Variants in SLCO1B1 observed in about 807,000 individuals in gnomAD.
SLCO1B1 encodes solute carrier organic anion transporter family member 1B1.
SLCO1B1 carries 81 observed loss-of-function variants against 70.1 expected under a neutral mutation model. The ratio of observed to expected loss-of-function variants is 1.16; its 90% CI spans 0.97 to 1.39. SLCO1B1 has a LOEUF of 1.39. SLCO1B1 is among the 40% of genes most tolerant of loss of function. The pLI, the probability that SLCO1B1 is intolerant of heterozygous loss-of-function variation, is 0.00. For missense variants in SLCO1B1, 895 were observed against 799.6 expected, an observed-to-expected ratio of 1.12 and a Z score of -1.44; for synonymous variants, 283 against 271.5, an observed-to-expected ratio of 1.04 and a Z score of -0.42.
intron 11 of SLCO1B1, among the ~76,000 whole-genome samples, chr12:21,214,837 C>A (rs1251281023): frequency 6.6e-6 from 1 of 152,106 alleles, no homozygotes; most frequent in Non-Finnish European, 1.5e-5. Context: ...CAGGTGCTGT[C>A]CGTCACCCCT....
chr12:21,222,437 C>CAT (rs1263274519), intron 13 of SLCO1B1, 73 bp downstream of exon 13: 25 of 182,296 alleles, frequency 1.4e-4, no homozygotes, highest in African/African-American at 8.6e-4. Flanking sequence ...TACACACACA[C>CAT]ATACATATAT....
chr12:21,197,066 C>T lies in SLCO1B1; in HGVS notation c.848C>T (p.Pro283Leu). ...CCATTCTTTTTCTTGCCCCAAACTC[C>T]AAATAAACCACAAAAAGAAAGAAAA... is the stretch of plus-strand genomic sequence containing the variant. Reference protein sequence around the residue: ...SIPFFFLPQTPNKPQKERKAS... With the variant: ...SIPFFFLPQTLNKPQKERKAS... The change falls in exon 8 of 15, where the codon CCA (proline) becomes CTA (leucine). Residue 283 changes from proline to leucine, a missense_variant. Pro to Leu is a moderately conservative substitution (Grantham distance 98, BLOSUM62 -3). Coordinates refer to ENST00000256958, the MANE Select transcript of SLCO1B1 (RefSeq NM_006446.5). The T allele has an allele frequency of 6.2e-7, 1 of 1,613,496 alleles. No individual in the cohort carries two copies. The highest frequency in any genetic ancestry group is 8.5e-7 in the Non-Finnish European group (1 of 1,179,704).
chr12:21,212,370 G>A (rs1262152402), intron 11 of SLCO1B1, among the ~76,000 whole-genome samples: 7 of 106,366 alleles, frequency 6.6e-5, no homozygotes, highest in African/African-American at 2.3e-4. Flanking sequence ...GTAGTTGAGC[G>A]GTTTTGAGTG....
chr12:21,198,253 T>C (rs960019195), intron 8 of SLCO1B1, among the ~76,000 whole-genome samples: 6 of 152,096 alleles, frequency 3.9e-5, no homozygotes, highest in Non-Finnish European at 7.4e-5. Context: ...CATTGGTAGG[T>C]TGAAATTGTT....
intron 2 of SLCO1B1, among the ~76,000 whole-genome samples, chr12:21,165,551 A>C (rs1207603759): frequency 6.6e-6 from 1 of 152,190 alleles, no homozygotes; most frequent in Non-Finnish European, 1.5e-5. Flanking sequence ...AAAAATTTAC[A>C]AGAAGTTGTT....
chr12:21,202,590 G>T lies in SLCO1B1; in HGVS notation c.1235G>T (p.Cys412Phe), dbSNP rs765402404. 1.2e-6 allele frequency: 2 copies of T among 1,612,398 alleles called. No homozygotes were observed. The highest frequency in any genetic ancestry group is 4.5e-5 in the East Asian group (2 of 44,752). Residue 412 changes from cysteine (C) to phenylalanine (F), a missense_variant, in exon 10 of 15, where the codon TGT (cysteine) becomes TTT (phenylalanine). Coordinates refer to ENST00000256958, the MANE Select transcript of SLCO1B1 (RefSeq NM_006446.5). ...ACCGTTGGAATTGCCAAATTCTCATGTTTTACTGCTGTGATGTCATTGTCC... is the reference window on the plus strand; with the variant it reads ...ACCGTTGGAATTGCCAAATTCTCATTTTTTACTGCTGTGATGTCATTGTCC... The part of the protein sequence containing the change: ...LNTVGIAKFS[C>F]FTAVMSLSFY...
intron 4 of SLCO1B1, among the ~76,000 whole-genome samples, chr12:21,175,260 A>G (rs1318632589): frequency 6.6e-6 from 1 of 152,176 alleles, no homozygotes; most frequent in Non-Finnish European, 1.5e-5. Flanking sequence ...TCTTGGCTTC[A>G]TGATCCAAAT....
At chr12:21,140,542 C>G (rs1451277185) in intron 1 of SLCO1B1, among the ~76,000 whole-genome samples, 1 of 151,796 alleles carries the variant, frequency 6.6e-6, no homozygotes, top group Non-Finnish European at 1.5e-5. Flanking sequence ...CCACATAAAA[C>G]CAAAATGGCA....
intron 2 of SLCO1B1, among the ~76,000 whole-genome samples, chr12:21,159,148 T>C (rs1412535482): frequency 6.6e-6 from 1 of 152,134 alleles, no homozygotes; most frequent in African/African-American, 2.4e-5. Flanking sequence ...TTCTATAAAG[T>C]GTTATTGCAT....
intron 14 of SLCO1B1, among the ~76,000 whole-genome samples, chr12:21,226,949 A>C (rs1941488900): frequency 6.6e-6 from 1 of 152,146 alleles, no homozygotes; most frequent in Non-Finnish European, 1.5e-5. Context: ...AATATATAAA[A>C]AGATGCTCAA....
At chr12:21,164,428 A>C (rs1038909068) in intron 2 of SLCO1B1, among the ~76,000 whole-genome samples, 2 of 151,822 alleles carry the variant, frequency 1.3e-5, no homozygotes, top group African/African-American at 4.8e-5. Flanking sequence ...CTCCTCTTAA[A>C]CTTCTCCTTG....
chr12:21,195,130 C>CAT, intron 7 of SLCO1B1, among the ~76,000 whole-genome samples: 2 of 152,302 alleles, frequency 1.3e-5, no homozygotes, highest in South Asian at 4.1e-4. Context: ...ATACCCAAAC[C>CAT]ATATCAGCCT....
At chr12:21,236,452 C>T (rs1941596387) in intron 14 of SLCO1B1, among the ~76,000 whole-genome samples, 1 of 152,156 alleles carries the variant, frequency 6.6e-6, no homozygotes, top group Non-Finnish European at 1.5e-5. Context: ...GCACATCTTT[C>T]CTTTAGATAG....
rs1431995423 is a variant in SLCO1B1 at position 21,200,578 on chromosome 12, A to G, written c.1041A>G (p.Leu347=). 9 of 1,610,272 alleles carry G rather than the reference A, an allele frequency of 5.6e-6. No homozygotes were observed. The highest frequency in any genetic ancestry group is 7.6e-6 in the Non-Finnish European group (9 of 1,177,498). The change falls in exon 9 of 15, where the codon TTA becomes TTG. Residue 347 remains leucine (L), a synonymous_variant. Transcript: ENST00000256958. ...LYVMFVLLTL[L]QVSSYIGAFT... ...TTATGTTTGTGCTTTTGACGTTGTT[A>G]CAAGTAAGCAGCTATATTGGTGCTT... is the stretch of plus-strand genomic sequence containing the variant.
At chr12:21,166,303 G>T (rs1296578832) in intron 2 of SLCO1B1, among the ~76,000 whole-genome samples, 1 of 152,088 alleles carries the variant, frequency 6.6e-6, no homozygotes, top group African/African-American at 2.4e-5. Flanking sequence ...ACAGCAACAA[G>T]AGTAGGAAAT....
Position 21,186,504 on chromosome 12 carries a change from A to G in SLCO1B1, c.727+7484A>G, listed in dbSNP as rs369994903. Reference sequence around the variant, plus strand: ...AACTTTGAATAACACCGTTGGAGCCATATGAATTGCCACTAGTGATGCTGA... The same window carrying G: ...AACTTTGAATAACACCGTTGGAGCCGTATGAATTGCCACTAGTGATGCTGA... On this transcript the variant is annotated intron_variant, in intron 7 of 14. Coordinates refer to ENST00000256958, the MANE Select transcript of SLCO1B1 (RefSeq NM_006446.5). 1.2e-3 allele frequency among the ~76,000 whole-genome samples: 176 copies of G among 152,244 alleles called. 3 individuals are homozygous for G. The South Asian group carries it at 0.036, about 31-fold the overall frequency.
At chr12:21,167,848 G>A (rs1172318289) in intron 2 of SLCO1B1, among the ~76,000 whole-genome samples, 1 of 139,404 alleles carries the variant, frequency 7.2e-6, no homozygotes, top group Non-Finnish European at 1.5e-5. Context: ...ATGGAGTCTC[G>A]CACTGTCACC....
rs368101615 is a variant in SLCO1B1, at chr12:21,199,255, CT to C, written c.971-1252del. On this transcript the variant is annotated intron_variant, in intron 8 of 14. Transcript: ENST00000256958. ...ATTTCAAAGTCCGTATCATCCAACTCTCAGTAACCATATCTTGGCTCTGTCT... is the reference window on the plus strand; with the variant it reads ...ATTTCAAAGTCCGTATCATCCAACTCCAGTAACCATATCTTGGCTCTGTCT... Among the ~76,000 whole-genome samples the C allele has an allele frequency of 1.3e-3, 196 of 152,254 alleles. 4 individuals are homozygous for C. In the South Asian group the frequency reaches 0.039, roughly 31 times the overall value.
chr12:21,155,947 C>G (rs1940537833), intron 2 of SLCO1B1, among the ~76,000 whole-genome samples: 1 of 152,152 alleles, frequency 6.6e-6, no homozygotes. Flanking sequence ...CAACCAATGT[C>G]TGAACAGTCA....
Sources: allele counts gnomAD v4.1 joint callset (sites outside exome capture counted in the v4.1 genomes callset), GRCh38; gene constraint gnomAD v4.1.1; transcripts MANE v1.5; gene names NCBI Gene and HGNC (gene_info 2026-07-23, HGNC 2026-07-21).